Variants in ZNF385D observed in about 807,000 individuals in gnomAD.
ZNF385D encodes the protein zinc finger protein 659.
Under a neutral mutation model 35.8 loss-of-function variants are expected in ZNF385D, and 15 were observed. The observed-to-expected ratio is 0.42, with a 90% CI of 0.28 to 0.64. ZNF385D has a LOEUF of 0.64. ZNF385D is among the 30% of genes least tolerant of loss of function. The probability of loss-of-function intolerance (pLI) is 0.23; values close to 1 mark genes in which losing one functional copy is unlikely to be tolerated. For missense variants in ZNF385D, 474 were observed against 494.6 expected (o/e 0.96, Z 0.39); for synonymous variants, 212 against 186.8 (o/e 1.13, Z -1.10).
At chr3:22,025,849 T>G (rs537299499) in intron 3 of ZNF385D, among the ~76,000 whole-genome samples, 71 of 152,290 alleles carry the variant, frequency 4.7e-4, no homozygotes, top group African/African-American at 1.7e-3. Context: ...CGAAGAGCCC[T>G]GTAATTGCTC....
At chr3:22,030,284 T>TATATATATCCTATACAAATAACAAATAGG (rs1553591324) in intron 3 of ZNF385D, among the ~76,000 whole-genome samples, 10 of 98,578 alleles carry the variant, frequency 1.0e-4, no homozygotes, top group South Asian at 7.0e-4. Flanking sequence ...TATATATATA[T>TATATATATCCTATACAAATAACAAATAGG]ATATATATAT....
chr3:22,013,735 A>G (rs1696715409), intron 3 of ZNF385D, among the ~76,000 whole-genome samples: 1 of 152,130 alleles, frequency 6.6e-6, no homozygotes, highest in Non-Finnish European at 1.5e-5. Flanking sequence ...AAAGCAGGTG[A>G]GAGGGCTGAA....
chr3:21,732,029 G>GTTTTTTTTTTTTTTTTTTTTTTTTTTTTT lies in ZNF385D; in HGVS notation c.22+18865_22+18866insAAAAAAAAAAAAAAAAAAAAAAAAAAAAA, dbSNP rs1211041889. 8.5e-4 allele frequency among the ~76,000 whole-genome samples: 18 copies of GTTTTTTTTTTTTTTTTTTTTTTTTTTTTT among 21,210 alleles called. 8 individuals are homozygous for GTTTTTTTTTTTTTTTTTTTTTTTTTTTTT. The highest frequency in any genetic ancestry group is 3.3e-3 in the South Asian group (2 of 604). The allele number at this position is 21,210 out of a possible 152,430, so 13.9% of individuals were successfully genotyped here. A position where few individuals can be genotyped will look rare whatever the true frequency, so the allele number is the denominator to read the frequency against. The stretch of plus-strand genomic sequence containing the variant: ...ATTCAGGGTTTTTTTCTTTTTTCGG[G>GTTTTTTTTTTTTTTTTTTTTTTTTTTTTT]GTTTTTTTTTTTTTTTTTTTTTTTT... On this transcript the variant is annotated intron_variant, in intron 1 of 7. Transcript: ENST00000281523.
chr3:21,889,122 T>C (rs1698705553), intron 3 of ZNF385D, among the ~76,000 whole-genome samples: 1 of 152,196 alleles, frequency 6.6e-6, no homozygotes, highest in African/African-American at 2.4e-5. Context: ...GGCAAACAAC[T>C]GACACTGAAA....
At chr3:21,751,215 G>GTA, upstream of ZNF385D, 1 of 1,307,138 alleles carries the variant, frequency 7.7e-7, no homozygotes, top group Non-Finnish European at 9.8e-7. Context: ...AGGACTGAGA[G>GTA]TACTACAAGC....
At chr3:21,842,373 G>T (rs1392940468) in intron 3 of ZNF385D, among the ~76,000 whole-genome samples, 2 of 151,910 alleles carry the variant, frequency 1.3e-5, no homozygotes, top group African/African-American at 4.8e-5. Flanking sequence ...CCTGAGATTT[G>T]ATTTCTATCA....
intron 3 of ZNF385D, among the ~76,000 whole-genome samples, chr3:21,933,184 G>A (rs1463871098): frequency 6.6e-6 from 1 of 152,078 alleles, no homozygotes; most frequent in East Asian, 1.9e-4. Context: ...AAATACACTT[G>A]ATTCAATTTT....
intron 3 of ZNF385D, among the ~76,000 whole-genome samples, chr3:21,816,003 C>G (rs1208767447): frequency 6.6e-6 from 1 of 152,140 alleles, no homozygotes; most frequent in Non-Finnish European, 1.5e-5. Flanking sequence ...GGGCTTCATC[C>G]CAGGGATGCA....
intron 3 of ZNF385D, among the ~76,000 whole-genome samples, chr3:21,763,259 T>C (rs979087537): frequency 4.6e-5 from 7 of 152,182 alleles, no homozygotes; most frequent in South Asian, 2.1e-4. Context: ...GTAACAGTGA[T>C]GGCTCCGAGC....
At chr3:22,267,978 G>A (rs6786604) in intron 2 of ZNF385D, among the ~76,000 whole-genome samples, 11,651 of 151,902 alleles carry the variant, frequency 0.077, 1,171 homozygotes, top group African/African-American at 0.23. Flanking sequence ...TCAAGTCATA[G>A]CATTCTAATA....
intron 2 of ZNF385D, among the ~76,000 whole-genome samples, chr3:22,369,210 T>C (rs919753012): frequency 6.6e-6 from 1 of 152,222 alleles, no homozygotes; most frequent in Non-Finnish European, 1.5e-5. Context: ...TTATGGAGCT[T>C]AAATTACCTT....
chr3:22,236,391 G>C (rs1699185841), intron 2 of ZNF385D, among the ~76,000 whole-genome samples: 1 of 151,906 alleles, frequency 6.6e-6, no homozygotes, highest in African/African-American at 2.4e-5. Context: ...GAGAAGAGAG[G>C]AGTAATCATA....
At chr3:22,250,322 A>G (rs1699998763) in intron 2 of ZNF385D, among the ~76,000 whole-genome samples, 1 of 152,062 alleles carries the variant, frequency 6.6e-6, no homozygotes, top group Non-Finnish European at 1.5e-5. Context: ...GGGAATAATA[A>G]GACAGATTTA....
intron 4 of ZNF385D, among the ~76,000 whole-genome samples, chr3:21,506,100 A>G (rs920119): frequency 0.54 from 81,460 of 151,980 alleles, 21,998 homozygotes; most frequent in East Asian, 0.65. Flanking sequence ...AATGTTATAT[A>G]ATTGCTGACT....
intron 3 of ZNF385D, among the ~76,000 whole-genome samples, chr3:21,976,562 T>G (rs1014923569): frequency 6.6e-6 from 1 of 152,192 alleles, no homozygotes; most frequent in Non-Finnish European, 1.5e-5. Flanking sequence ...GAGACATATG[T>G]AACAGATAAT....
At chr3:22,033,011 T>A (rs185549159) in intron 3 of ZNF385D, among the ~76,000 whole-genome samples, 1 of 152,154 alleles carries the variant, frequency 6.6e-6, no homozygotes, top group African/African-American at 2.4e-5. Flanking sequence ...CCCTGTGCTA[T>A]ACTGCAGACT....
chr3:22,005,380 T>C (rs2125423658), intron 3 of ZNF385D, among the ~76,000 whole-genome samples: 1 of 151,524 alleles, frequency 6.6e-6, no homozygotes, highest in Non-Finnish European at 1.5e-5. Flanking sequence ...CAGTGTGGAG[T>C]TTTCTCAAAA....
At chr3:21,421,668 G>T (rs950916140) in intron 7 of ZNF385D, among the ~76,000 whole-genome samples, 1 of 152,168 alleles carries the variant, frequency 6.6e-6, no homozygotes, top group Admixed American at 6.5e-5. Context: ...TGCTTGAAAA[G>T]TTCTCTAGAA....
intron 3 of ZNF385D, among the ~76,000 whole-genome samples, chr3:21,540,916 C>T (rs868710008): frequency 6.6e-6 from 1 of 152,172 alleles, no homozygotes; most frequent in Non-Finnish European, 1.5e-5. Flanking sequence ...ATCTTTACCA[C>T]TATCAGATTC....
Sources: allele counts gnomAD v4.1 joint callset (sites outside exome capture counted in the v4.1 genomes callset), GRCh38; gene constraint gnomAD v4.1.1; transcripts MANE v1.5; gene names NCBI Gene and HGNC (gene_info 2026-07-23, HGNC 2026-07-21).